Variants in CEP164 observed in about 807,000 individuals in gnomAD.
CEP164 encodes the protein centrosomal protein of 164 kDa.
A neutral mutation model predicts 182.7 loss-of-function variants in CEP164; 162 were observed. That is an observed-to-expected ratio of 0.89 (90% CI 0.78 to 1.01). The LOEUF is 1.01. Ranked by LOEUF, CEP164 falls within the 50% of genes least tolerant of loss-of-function variation. The pLI, the probability that CEP164 is intolerant of heterozygous loss-of-function variation, is 0.00. For synonymous variants in CEP164, 661 were observed against 690.0 expected, an observed-to-expected ratio of 0.96 and a Z score of 0.66; for missense variants, 1,735 against 1,790.4, an observed-to-expected ratio of 0.97 and a Z score of 0.56.
chr11:117,382,666 C>A, intron 13 of CEP164, 130 bp from the exon 14 acceptor site: 1 of 1,097,146 alleles, frequency 9.1e-7, no homozygotes, highest in Non-Finnish European at 1.3e-6. Context: ...AGGTCTAAGA[C>A]CCGAGGTAGG....
chr11:117,359,304 C>T, intron 5 of CEP164: 1 of 617,652 alleles, frequency 1.6e-6, no homozygotes, highest in Non-Finnish European at 2.0e-6. Context: ...TGGATAATGG[C>T]AGAGCCAGTC....
intron 26 of CEP164, 149 bp from the exon 27 acceptor site, chr11:117,396,942 C>A: frequency 1.4e-6 from 1 of 718,332 alleles, no homozygotes; most frequent in Non-Finnish European, 2.3e-6. Context: ...GGGTATTGAA[C>A]AGTGGCATCC....
At chr11:117,347,220 G>A (rs1465031802) in intron 4 of CEP164, among the ~76,000 whole-genome samples, 1 of 152,180 alleles carries the variant, frequency 6.6e-6, no homozygotes, top group Non-Finnish European at 1.5e-5. Context: ...GCCATGAAGT[G>A]AGGGCTGTTT....
chr11:117,334,965 A>G (rs766209748), intron 1 of CEP164, among the ~76,000 whole-genome samples: 12 of 152,106 alleles, frequency 7.9e-5, no homozygotes, highest in African/African-American at 1.2e-4. Context: ...AGTACCTCGT[A>G]TAGAGCACAT....
In CEP164 at chr11:117,387,267, G is replaced by T. The variant is rs1391519166; in HGVS notation, c.1789G>T (p.Glu597Ter). The T allele has an allele frequency of 1.2e-6, 2 of 1,614,232 alleles. No homozygotes were observed. The highest frequency in any genetic ancestry group is 1.7e-5 in the Admixed American group (1 of 60,028). ...AGAGGCTGCACTAAAGGCCATGGAA[G>T]AGGCAGTGGCCCAAGTACTCGAGCA... ...LSEAALKAME[E>*]AVAQVLEQDQ... is the part of the protein sequence containing the mutation. The change falls in exon 15 of 33, where the codon GAG (glutamate) becomes TAG (stop). Residue 597 changes from glutamate to a stop codon, truncating the protein, a stop_gained. Coordinates refer to ENST00000278935, the MANE Select transcript of CEP164 (RefSeq NM_014956.5). LOFTEE classifies it high-confidence loss of function.
chr11:117,361,802 T>C lies in CEP164; in HGVS notation c.394-33T>C, dbSNP rs1303362236. Reference sequence around the variant, plus strand: ...GACACTCCCAGAGCCACCTGGTTTCTTGAGTTGTAACAAGATGTTTTCTGT... The same window carrying C: ...GACACTCCCAGAGCCACCTGGTTTCCTGAGTTGTAACAAGATGTTTTCTGT... On this transcript the variant is annotated intron_variant, in intron 5 of 32. Coordinates refer to ENST00000278935, the MANE Select transcript of CEP164 (RefSeq NM_014956.5). 5 of 1,613,740 alleles carry C rather than the reference T, an allele frequency of 3.1e-6. No homozygotes were observed. In the African/African-American group the frequency reaches 5.3e-5, roughly 17 times the overall value.
At chr11:117,382,672 G>C (rs2043471635) in intron 13 of CEP164, 124 bp from the exon 14 acceptor site, 1 of 1,157,678 alleles carries the variant, frequency 8.6e-7, no homozygotes, top group Non-Finnish European at 1.2e-6. Context: ...AAGACCCGAG[G>C]TAGGGAAATT....
intron 27 of CEP164, among the ~76,000 whole-genome samples, chr11:117,407,457 C>CAAAAAAAAAAAAAAA (rs1232486465): frequency 1.0e-4 from 7 of 68,988 alleles, no homozygotes; most frequent in African/African-American, 2.1e-4. Flanking sequence ...TCTGTCTCTA[C>CAAAAAAAAAAAAAAA]AAAAAAAAAA....
chr11:117,362,082 T>C lies in CEP164; in HGVS notation c.552+89T>C, dbSNP rs2041055345. On this transcript the variant is annotated intron_variant, in intron 6 of 32. Coordinates refer to ENST00000278935, the MANE Select transcript of CEP164 (RefSeq NM_014956.5). The stretch of plus-strand genomic sequence containing the variant: ...GGAACTATGGCCTAGGGGTGAGAAA[T>C]AGACAGAATCGGTGGAGTCCTCAGA... The C allele has an allele frequency of 9.4e-6, 12 of 1,280,388 alleles. 1 individual carries two copies. In the South Asian group the frequency reaches 1.5e-4, roughly 16 times the overall value. The allele number at this position is 1,280,388 out of a possible 1,614,324, so 79.3% of individuals were successfully genotyped here.
At chr11:117,341,021 T>G (rs751952668) in intron 3 of CEP164, among the ~76,000 whole-genome samples, 19 of 152,092 alleles carry the variant, frequency 1.2e-4, no homozygotes, top group Admixed American at 3.3e-4. Flanking sequence ...GAGACAGGGT[T>G]TCACCATATT....
intron 5 of CEP164, among the ~76,000 whole-genome samples, chr11:117,358,540 C>CTT (rs71961009): frequency 0.2 from 26,102 of 128,954 alleles, 2,835 homozygotes; most frequent in African/African-American, 0.24. Flanking sequence ...CTCCCCCGGC[C>CTT]TTTTTTTTTT....
intron 1 of CEP164, among the ~76,000 whole-genome samples, chr11:117,328,670 ATC>A (rs1231853972): frequency 6.6e-6 from 1 of 151,982 alleles, no homozygotes; most frequent in Non-Finnish European, 1.5e-5. Flanking sequence ...GGTCCCTCCG[ATC>A]TGTTTCTCCT....
At chr11:117,346,320 G>A (rs2038885094) in intron 4 of CEP164, among the ~76,000 whole-genome samples, 1 of 151,836 alleles carries the variant, frequency 6.6e-6, no homozygotes, top group Admixed American at 6.6e-5. Context: ...CCAGGCTGGA[G>A]TGCAATGGCG....
intron 5 of CEP164, chr11:117,356,028 A>T: frequency 1.1e-6 from 1 of 919,952 alleles, no homozygotes; most frequent in Non-Finnish European, 1.4e-6. Context: ...AGCAACAGCA[A>T]CCTGGCCTCA....
chr11:117,342,680 T>C (rs886962366), intron 3 of CEP164, among the ~76,000 whole-genome samples: 3 of 151,930 alleles, frequency 2.0e-5, no homozygotes, highest in Non-Finnish European at 2.9e-5. Context: ...TTCTCCATGT[T>C]GCCCAAGCTG....
intron 19 of CEP164, 70 bp from the exon 20 acceptor site, chr11:117,392,934 A>T (rs1328741866): frequency 1.3e-6 from 2 of 1,599,660 alleles, no homozygotes; most frequent in Non-Finnish European, 1.7e-6. Context: ...TAAGACCTTC[A>T]GGTGCAGCAG....
At position 117,409,422 on chromosome 11, in the gene CEP164, T is replaced by C. The variant is rs886136678; in HGVS notation, c.3749-196T>C. On this transcript the variant is annotated intron_variant, in intron 29 of 32. Transcript: ENST00000278935. The surrounding 1 kb of genome is among the most constrained non-coding windows in gnomAD (Gnocchi z 4.4). ...GCACCTTGCCCTGGAAACCTGTTTCTCATGGCCAGCTTCTCACTTGCACTG... is the reference window on the plus strand; with the variant it reads ...GCACCTTGCCCTGGAAACCTGTTTCCCATGGCCAGCTTCTCACTTGCACTG... The C allele has an allele frequency of 1.7e-6, 1 of 605,966 alleles. No individual in the cohort carries two copies. The highest frequency in any genetic ancestry group is 3.0e-5 in the Admixed American group (1 of 33,188). 37.5% of individuals were successfully genotyped at this position (605,966 alleles called of 1,614,324 possible).
intron 5 of CEP164, among the ~76,000 whole-genome samples, chr11:117,354,638 C>T (rs1221620236): frequency 6.6e-6 from 1 of 152,076 alleles, no homozygotes; most frequent in Non-Finnish European, 1.5e-5. Flanking sequence ...GATAAGGAAA[C>T]TGGAGCCTAG....
At chr11:117,355,598 C>G (rs1444485267) in intron 5 of CEP164, 1 of 1,202,360 alleles carries the variant, frequency 8.3e-7, no homozygotes, top group Non-Finnish European at 1.1e-6. Context: ...CCACATGTTG[C>G]CTGCCAGGAA....
Sources: gnomAD v4.1 joint callset for allele counts (sites outside exome capture counted in the v4.1 genomes callset) on GRCh38, gnomAD v4.1.1 for gene constraint, Gnocchi (gnomAD v3.1) non-coding constraint, MANE v1.5 for transcripts, NCBI Gene and HGNC (gene_info 2026-07-23, HGNC 2026-07-21) for gene names.